Variants in BICC1 observed in about 807,000 individuals in gnomAD.
The protein encoded by BICC1 is BicC family RNA binding protein 1, also known as protein bicaudal C homolog 1.
In BICC1, 43 loss-of-function variants were observed where a neutral mutation model predicts 111.0. The observed-to-expected ratio is 0.39, with a 90% CI of 0.30 to 0.50. BICC1 has a LOEUF of 0.50. Among genes scored for constraint, BICC1 ranks in the 20% least tolerant of loss-of-function variants. The pLI, the probability that BICC1 is intolerant of heterozygous loss-of-function variation, is 0.88. For synonymous variants in BICC1, 467 were observed against 434.4 expected (o/e 1.07, Z -0.93); for missense variants, 1,091 against 1,203.2 (o/e 0.91, Z 1.38).
chr10:58,648,028 C>T (rs1838322009), intron 2 of BICC1, among the ~76,000 whole-genome samples: 1 of 152,144 alleles, frequency 6.6e-6, no homozygotes, highest in Non-Finnish European at 1.5e-5. Context: ...AAGTTATTGT[C>T]TTAACTTGAT....
chr10:58,744,588 CTTTA>C (rs1841773940), intron 3 of BICC1, among the ~76,000 whole-genome samples: 1 of 151,782 alleles, frequency 6.6e-6, no homozygotes, highest in African/African-American at 2.4e-5. Flanking sequence ...GACAATTATT[CTTTA>C]TTTGTTGTTT....
intron 2 of BICC1, among the ~76,000 whole-genome samples, chr10:58,686,785 T>C (rs1839743453): frequency 6.6e-6 from 1 of 152,200 alleles, no homozygotes; most frequent in Non-Finnish European, 1.5e-5. Context: ...TTTTTCAAGG[T>C]TTTCAGCTTC....
intron 3 of BICC1, among the ~76,000 whole-genome samples, chr10:58,749,062 A>T (rs1270816897): frequency 6.6e-6 from 1 of 152,172 alleles, no homozygotes; most frequent in African/African-American, 2.4e-5. Context: ...AAGAGTTTTT[A>T]AACACTTGCT....
In BICC1 at chr10:58,829,397, T is replaced by C. The variant is rs1348538208; in HGVS notation, c.*506T>C. 2 of 152,196 alleles carry C rather than the reference T, an allele frequency of 1.3e-5. No individual in the cohort carries two copies. Among genetic ancestry groups the C allele is most frequent in the Admixed American group, 1.3e-4 (2 of 15,268 alleles). The allele number at this position is 152,196 out of a possible 1,614,324, so 9.4% of individuals were successfully genotyped here. A position where few individuals can be genotyped will look rare whatever the true frequency, so the allele number is the denominator to read the frequency against. On this transcript the variant is annotated 3_prime_UTR_variant, in exon 21 of 21. Transcript: ENST00000373886. ...TCAGCACTTTACACGTTCTAATTTC[T>C]TGTCCTATGGAAGTTCTCGCTGTCT... is the stretch of plus-strand genomic sequence containing the variant.
chr10:58,600,157 ACAG>A (rs1345217818), intron 1 of BICC1, among the ~76,000 whole-genome samples: 3 of 152,120 alleles, frequency 2.0e-5, no homozygotes, highest in Non-Finnish European at 4.4e-5. Context: ...CACAGTTCAT[ACAG>A]CAGCACTGTT....
chr10:58,659,049 T>A (rs1043062896), intron 2 of BICC1, among the ~76,000 whole-genome samples: 9 of 152,176 alleles, frequency 5.9e-5, no homozygotes, highest in Non-Finnish European at 1.3e-4. Context: ...TCTATATAAC[T>A]TTTTTAAAAG....
chr10:58,598,844 A>G (rs1844925632), intron 1 of BICC1, among the ~76,000 whole-genome samples: 1 of 152,222 alleles, frequency 6.6e-6, no homozygotes, highest in South Asian at 2.1e-4. Flanking sequence ...TGGGCAAAAG[A>G]TATGAACAGA....
At chr10:58,680,831 A>G (rs1839497076) in intron 2 of BICC1, among the ~76,000 whole-genome samples, 1 of 152,214 alleles carries the variant, frequency 6.6e-6, no homozygotes, top group Non-Finnish European at 1.5e-5. Flanking sequence ...AGATATATAG[A>G]CCAATGGAAC....
At chr10:58,652,897 C>T (rs2132256572) in intron 2 of BICC1, among the ~76,000 whole-genome samples, 1 of 152,232 alleles carries the variant, frequency 6.6e-6, no homozygotes, top group South Asian at 2.1e-4. Flanking sequence ...TTCTTTGAAT[C>T]AGTGTTTGCT....
intron 2 of BICC1, among the ~76,000 whole-genome samples, chr10:58,686,815 T>A (rs941627480): frequency 6.6e-6 from 1 of 152,236 alleles, no homozygotes; most frequent in African/African-American, 2.4e-5. Flanking sequence ...GGTTCGAACA[T>A]CCTTCTTTAG....
chr10:58,728,744 CT>C, intron 3 of BICC1, among the ~76,000 whole-genome samples: 1 of 152,068 alleles, frequency 6.6e-6, no homozygotes, highest in Non-Finnish European at 1.5e-5. Flanking sequence ...ATAATTACTC[CT>C]CTATCCATGG....
intron 1 of BICC1, among the ~76,000 whole-genome samples, chr10:58,582,251 T>C (rs1256136273): frequency 1.3e-5 from 2 of 152,182 alleles, no homozygotes; most frequent in Admixed American, 6.5e-5. Context: ...ACTCTCCACT[T>C]TATATTTACA....
intron 8 of BICC1, among the ~76,000 whole-genome samples, chr10:58,792,248 A>G (rs1310897115): frequency 1.3e-5 from 2 of 151,656 alleles, no homozygotes; most frequent in Non-Finnish European, 2.9e-5. Context: ...CTGTGAGTAG[A>G]GCATTAGAGA....
chr10:58,613,839 G>T (rs543896798), intron 1 of BICC1, among the ~76,000 whole-genome samples: 1 of 152,130 alleles, frequency 6.6e-6, no homozygotes, highest in Non-Finnish European at 1.5e-5. Context: ...ACAGGTTGGG[G>T]TTGTAATTTG....
chr10:58,559,559 C>T (rs1448203794), intron 1 of BICC1, among the ~76,000 whole-genome samples: 1 of 152,084 alleles, frequency 6.6e-6, no homozygotes, highest in East Asian at 1.9e-4. Flanking sequence ...AGTTTGATTA[C>T]CTTGTTTCCA....
Position 58,801,179 on chromosome 10 carries a change from T to A in BICC1, c.2015+133T>A, listed in dbSNP as rs554706156. 1.5e-3 allele frequency: 1,125 copies of A among 732,972 alleles called. 3 individuals are homozygous for A. Among genetic ancestry groups the A allele is most frequent in the Admixed American group, 3.9e-3 (98 of 25,282 alleles). 45.4% of individuals were successfully genotyped at this position (732,972 alleles called of 1,614,324 possible). ...ATGGGTGTTTTCATTTTAACTTTTTTAAAAAAAATATTAAGGAATAATATC... is the reference window on the plus strand; with the variant it reads ...ATGGGTGTTTTCATTTTAACTTTTTAAAAAAAAATATTAAGGAATAATATC... On this transcript the variant is annotated intron_variant, in intron 14 of 20. Transcript: ENST00000373886.
At chr10:58,610,445 A>G (rs1280089894) in intron 1 of BICC1, among the ~76,000 whole-genome samples, 3 of 152,192 alleles carry the variant, frequency 2.0e-5, no homozygotes, top group Non-Finnish European at 4.4e-5. Flanking sequence ...ACTGTTAGAC[A>G]GATTAGGAAT....
intron 2 of BICC1, among the ~76,000 whole-genome samples, chr10:58,672,835 G>A (rs192557653): frequency 7.9e-5 from 12 of 152,170 alleles, no homozygotes; most frequent in Non-Finnish European, 1.8e-4. Flanking sequence ...GGAAATTGAG[G>A]TTATATTGAG....
Position 58,574,034 on chromosome 10 carries a change from C to T in BICC1, c.191-46821C>T, listed in dbSNP as rs144860938. On this transcript the variant is annotated intron_variant, in intron 1 of 20. Transcript: ENST00000373886. ...TTTATGACAAATAAAATTTGGAGTC[C>T]GCTGACTCTGGAGTGTGAGCCTCCC... is the stretch of plus-strand genomic sequence containing the variant. Among the ~76,000 whole-genome samples, 12 of 152,168 alleles carry T rather than the reference C, an allele frequency of 7.9e-5. No homozygotes were observed. The South Asian group carries it at 8.3e-4, about 11-fold the overall frequency.
Sources: allele counts gnomAD v4.1 joint callset (sites outside exome capture counted in the v4.1 genomes callset), GRCh38; gene constraint gnomAD v4.1.1; transcripts MANE v1.5; gene names NCBI Gene and HGNC (gene_info 2026-07-23, HGNC 2026-07-21).